The following CDADC1 variants were observed in gnomAD, a reference collection of about 807,000 sequenced individuals.
The protein encoded by CDADC1 is dCTP deaminase.
Under a neutral mutation model 54.9 loss-of-function variants are expected in CDADC1, and 39 were observed. The ratio of observed to expected loss-of-function variants is 0.71; its 90% CI spans 0.55 to 0.93. CDADC1 has a LOEUF of 0.93. CDADC1 is among the 40% of genes least tolerant of loss of function. The pLI, the probability that CDADC1 is intolerant of heterozygous loss-of-function variation, is 0.00. For missense variants in CDADC1, 518 were observed against 618.8 expected, an observed-to-expected ratio of 0.84 and a Z score of 1.73; for synonymous variants, 186 against 204.0, an observed-to-expected ratio of 0.91 and a Z score of 0.75.
chr13:49,259,952 G>T (rs745956932), intron 4 of CDADC1, among the ~76,000 whole-genome samples: 76 of 152,140 alleles, frequency 5.0e-4, no homozygotes, highest in Non-Finnish European at 9.9e-4. Context: ...CTGAAAGTCA[G>T]GTGCTATGGC....
chr13:49,267,353 A>T, intron 4 of CDADC1, 137 bp from the exon 5 acceptor site: 1 of 749,300 alleles, frequency 1.3e-6, no homozygotes, highest in Non-Finnish European at 2.1e-6. Flanking sequence ...CCCTCAGGCT[A>T]TATAATAGGT....
chr13:49,262,978 G>A (rs1156714481), intron 4 of CDADC1, among the ~76,000 whole-genome samples: 1 of 152,194 alleles, frequency 6.6e-6, no homozygotes, highest in Non-Finnish European at 1.5e-5. Flanking sequence ...ATCCCAACTT[G>A]AGTCTGCATC....
intron 5 of CDADC1, among the ~76,000 whole-genome samples, chr13:49,271,156 G>C (rs1462187738): frequency 6.6e-6 from 1 of 152,168 alleles, no homozygotes; most frequent in Non-Finnish European, 1.5e-5. Flanking sequence ...GCTCCCGCCT[G>C]TAATACCAGC....
intron 8 of CDADC1, among the ~76,000 whole-genome samples, chr13:49,283,362 A>C (rs1411247381): frequency 6.6e-6 from 1 of 152,178 alleles, no homozygotes; most frequent in East Asian, 1.9e-4. Context: ...GCACTGAAAG[A>C]AGGCAGAGAT....
intron 5 of CDADC1, among the ~76,000 whole-genome samples, chr13:49,271,285 A>G (rs1337842559): frequency 6.6e-6 from 1 of 152,180 alleles, no homozygotes; most frequent in Non-Finnish European, 1.5e-5. Context: ...TGGGGAAAAA[A>G]GAGCAGGAGG....
Position 49,278,338 on chromosome 13 carries a change from T to C in CDADC1, c.1051-12T>C, listed in dbSNP as rs1311847705. 4 of 1,497,788 alleles carry C rather than the reference T, an allele frequency of 2.7e-6. No individual in the cohort carries two copies. Among genetic ancestry groups the C allele is most frequent in the South Asian group, 1.4e-5 (1 of 73,024 alleles). 92.8% of individuals were successfully genotyped at this position (1,497,788 alleles called of 1,614,324 possible). A position where few individuals can be genotyped will look rare whatever the true frequency, so the allele number is the denominator to read the frequency against. On this transcript the variant is annotated splice_polypyrimidine_tract_variant and intron_variant, in intron 6 of 9. Transcript: ENST00000251108. Reference sequence around the variant, plus strand: ...ATGTTGAAACTAACCATTGGTTTGCTCACTCTCGTAGAGAAGTTGTGATGG... The same window carrying C: ...ATGTTGAAACTAACCATTGGTTTGCCCACTCTCGTAGAGAAGTTGTGATGG...
chr13:49,251,175 C>T lies in CDADC1; in HGVS notation c.177+2210C>T, dbSNP rs1350438648. Reference sequence around the variant, plus strand: ...CTGTAATCCCAGCACTTTGGGAGGCCGAGGCAGGCAGATCACAAGGTCAAG... The same window carrying T: ...CTGTAATCCCAGCACTTTGGGAGGCTGAGGCAGGCAGATCACAAGGTCAAG... On this transcript the variant is annotated intron_variant, in intron 2 of 9. Coordinates refer to ENST00000251108, the MANE Select transcript of CDADC1 (RefSeq NM_030911.4). Among the ~76,000 whole-genome samples, 6 of 151,796 alleles carry T rather than the reference C, an allele frequency of 4.0e-5. No homozygotes were observed. The South Asian group carries it at 6.2e-4, about 16-fold the overall frequency.
chr13:49,260,149 A>T (rs1952642902), intron 4 of CDADC1, among the ~76,000 whole-genome samples: 2 of 152,202 alleles, frequency 1.3e-5, no homozygotes, highest in Non-Finnish European at 2.9e-5. Context: ...TTGATACATT[A>T]TAAGAGTAAG....
chr13:49,265,893 G>A (rs757962403), intron 4 of CDADC1: 2 of 1,303,082 alleles, frequency 1.5e-6, no homozygotes, highest in South Asian at 2.5e-5. Flanking sequence ...ACTGGAAGCA[G>A]CTAAGATGCC....
chr13:49,283,426 G>A (rs1953409899), intron 8 of CDADC1, among the ~76,000 whole-genome samples: 1 of 152,110 alleles, frequency 6.6e-6, no homozygotes, highest in African/African-American at 2.4e-5. Flanking sequence ...CAACTAGTCA[G>A]AGAAATCTCT....
intron 5 of CDADC1, among the ~76,000 whole-genome samples, chr13:49,271,034 A>C (rs1002256113): frequency 2.6e-5 from 4 of 152,248 alleles, no homozygotes; most frequent in Non-Finnish European, 5.9e-5. Flanking sequence ...AACCTCTAAC[A>C]ACAGAGTTCT....
chr13:49,291,675 C>T lies in CDADC1; in HGVS notation c.1472-9C>T. The T allele has an allele frequency of 6.2e-7, 1 of 1,612,512 alleles. No individual in the cohort carries two copies. The highest frequency in any genetic ancestry group is 1.3e-5 in the African/African-American group (1 of 74,944). On this transcript the variant is annotated splice_polypyrimidine_tract_variant and intron_variant, in intron 9 of 9. Transcript: ENST00000251108. ...AGCTGTCCTGACCTAGCGTTATTCT[C>T]AATGCTAGATGGTGTGTTGAGACCT...
Position 49,247,985 on chromosome 13 carries a change from A to T in CDADC1, c.-53A>T. 1 of 1,503,812 alleles carries T rather than the reference A, an allele frequency of 6.6e-7. No homozygotes were observed. Among genetic ancestry groups the T allele is most frequent in the Non-Finnish European group, 9.1e-7 (1 of 1,104,218 alleles). 93.2% of individuals were successfully genotyped at this position (1,503,812 alleles called of 1,614,324 possible). On this transcript the variant is annotated 5_prime_UTR_variant, in exon 1 of 10. Coordinates refer to ENST00000251108, the MANE Select transcript of CDADC1 (RefSeq NM_030911.4). ...GAGAGGCGGGGGCGCTAGGGCCGAG[A>T]TCATGTCTGACTGGGAGAGGTTTCC...
At chr13:49,281,225 T>C (rs1218685213) in intron 8 of CDADC1, among the ~76,000 whole-genome samples, 1 of 152,194 alleles carries the variant, frequency 6.6e-6, no homozygotes, top group Admixed American at 6.5e-5. Context: ...TCCTGCCTTA[T>C]GAATTTACAT....
intron 7 of CDADC1, among the ~76,000 whole-genome samples, chr13:49,279,001 A>G (rs1465218704): frequency 1.3e-5 from 2 of 152,218 alleles, no homozygotes; most frequent in South Asian, 2.1e-4. Flanking sequence ...TACCTTTTTT[A>G]TGTTCAGATA....
chr13:49,255,809 T>C (rs1952531396), intron 2 of CDADC1, 30 bp from the exon 3 acceptor site: 1 of 1,588,434 alleles, frequency 6.3e-7, no homozygotes, highest in African/African-American at 1.4e-5. Context: ...TGTGCTAATC[T>C]TTTTTTTTCC....
chr13:49,261,869 TAATG>T lies in CDADC1; in HGVS notation c.430+2349_430+2352del, dbSNP rs931968504. Among the ~76,000 whole-genome samples, 51 of 152,258 alleles carry T rather than the reference TAATG, an allele frequency of 3.3e-4. 2 individuals carry two copies. The highest frequency in any genetic ancestry group is 1.2e-3 in the African/African-American group (50 of 41,542). On this transcript the variant is annotated intron_variant, in intron 4 of 9. Coordinates refer to ENST00000251108, the MANE Select transcript of CDADC1 (RefSeq NM_030911.4). ...AGACATTTCATCCTGACAAAAAAGA[TAATG>T]AAGTATGGAAAGTCAGGAAGGACCT... is the stretch of plus-strand genomic sequence containing the variant.
chr13:49,253,706 ATTTG>A (rs1409232595), intron 2 of CDADC1, among the ~76,000 whole-genome samples: 2 of 151,976 alleles, frequency 1.3e-5, no homozygotes, highest in African/African-American at 2.4e-5. Context: ...TTATTTATTT[ATTTG>A]TTTATGTATT....
chr13:49,272,255 A>C (rs1952986415), intron 5 of CDADC1, among the ~76,000 whole-genome samples: 1 of 152,220 alleles, frequency 6.6e-6, no homozygotes, highest in Admixed American at 6.5e-5. Context: ...TAAAACTTTA[A>C]AGATTTTGGT....
Sources: gnomAD v4.1 joint callset for allele counts (sites outside exome capture counted in the v4.1 genomes callset) on GRCh38, gnomAD v4.1.1 for gene constraint, MANE v1.5 for transcripts, NCBI Gene and HGNC (gene_info 2026-07-23, HGNC 2026-07-21) for gene names.